Variants in HCN1 observed in about 807,000 individuals in gnomAD.
HCN1 encodes the protein hyperpolarization activated cyclic nucleotide gated potassium channel 1.
Under a neutral mutation model 78.9 loss-of-function variants are expected in HCN1, and 13 were observed. The observed-to-expected ratio is 0.16, with a 90% CI of 0.11 to 0.26. The LOEUF is 0.26. Among genes scored for constraint, HCN1 ranks in the 10% least tolerant of loss-of-function variants. The probability of loss-of-function intolerance (pLI) is 1.00; values close to 1 mark genes in which losing one functional copy is unlikely to be tolerated. For synonymous variants in HCN1, 552 were observed against 455.5 expected (o/e 1.21, Z -2.70); for missense variants, 810 against 1,154.3 (o/e 0.70, Z 4.32).
chr5:45,346,458 C>T (rs1313621660), intron 5 of HCN1, among the ~76,000 whole-genome samples: 2 of 152,292 alleles, frequency 1.3e-5, no homozygotes, highest in East Asian at 3.9e-4. Flanking sequence ...GTGATTTCTG[C>T]ATTTCCATCT....
intron 2 of HCN1, among the ~76,000 whole-genome samples, chr5:45,499,343 C>G (rs567946983): frequency 6.6e-6 from 1 of 152,224 alleles, no homozygotes; most frequent in South Asian, 2.1e-4. Context: ...TGGGAGTGAC[C>G]CGATTTTCCA....
chr5:45,683,136 A>AT (rs869265634), intron 1 of HCN1, among the ~76,000 whole-genome samples: 105 of 80,056 alleles, frequency 1.3e-3, no homozygotes, highest in South Asian at 9.0e-3. Context: ...TAATTTTTTT[A>AT]TTTTTTTTTA....
chr5:45,570,241 C>G (rs908025289), intron 2 of HCN1, among the ~76,000 whole-genome samples: 1 of 151,982 alleles, frequency 6.6e-6, no homozygotes, highest in Non-Finnish European at 1.5e-5. Flanking sequence ...TCCCCTACTT[C>G]TAAGGTATTT....
Position 45,439,655 on chromosome 5 carries a change from C to T in HCN1, c.1011+22191G>A, listed in dbSNP as rs74776373. Among the ~76,000 whole-genome samples the T allele has an allele frequency of 3.9e-3, 598 of 152,060 alleles. 5 individuals are homozygous for T. Among genetic ancestry groups the T allele is most frequent in the African/African-American group, 0.014 (580 of 41,502 alleles). Reference sequence around the variant, plus strand: ...ATGATGTAAGTAGAGTGATACAGTGCAAATGGTTCAGAGACACTGAAGATT... The same window carrying T: ...ATGATGTAAGTAGAGTGATACAGTGTAAATGGTTCAGAGACACTGAAGATT... On this transcript the variant is annotated intron_variant, in intron 3 of 7. Coordinates refer to ENST00000303230, the MANE Select transcript of HCN1 (RefSeq NM_021072.4).
intron 2 of HCN1, among the ~76,000 whole-genome samples, chr5:45,570,765 T>C (rs904969961): frequency 3.3e-5 from 5 of 152,106 alleles, no homozygotes; most frequent in Admixed American, 3.3e-4. Context: ...GATAAGTAGA[T>C]AAATAGAGTA....
chr5:45,511,679 G>GA (rs1742419702), intron 2 of HCN1, among the ~76,000 whole-genome samples: 1 of 152,000 alleles, frequency 6.6e-6, no homozygotes, highest in South Asian at 2.1e-4. Flanking sequence ...GAAAGTCAGA[G>GA]AAAATGTTAG....
rs766207863 is a variant in HCN1 at position 45,696,067 on chromosome 5, A to C, written c.27T>G (p.Ser9=). MEGGGKPN[S]SSNSRDDGNS... ...TGCCATCGTCCCGGCTGTTAGACGAAGAGTTGGGCTTGCCGCCTCCTTCCA... is the reference window on the plus strand; with the variant it reads ...TGCCATCGTCCCGGCTGTTAGACGACGAGTTGGGCTTGCCGCCTCCTTCCA... Residue 9 remains serine, a synonymous_variant, in exon 1 of 8, where the codon TCT becomes TCG. Transcript: ENST00000303230. 33 of 1,353,136 alleles carry C rather than the reference A, an allele frequency of 2.4e-5. No homozygotes were observed. The South Asian group carries it at 4.7e-4, about 19-fold the overall frequency. 83.8% of individuals were successfully genotyped at this position (1,353,136 alleles called of 1,614,324 possible).
At chr5:45,678,751 T>C (rs1038182186) in intron 1 of HCN1, among the ~76,000 whole-genome samples, 1 of 152,050 alleles carries the variant, frequency 6.6e-6, no homozygotes, top group Admixed American at 6.6e-5. Flanking sequence ...TAAACTTAAG[T>C]ACAGTCTAAA....
At chr5:45,376,138 ATATAT>A (rs1231089415) in intron 4 of HCN1, among the ~76,000 whole-genome samples, 1 of 109,152 alleles carries the variant, frequency 9.2e-6, no homozygotes, top group East Asian at 2.7e-4. Context: ...ATAAAATATA[ATATAT>A]TATATATAAT....
At chr5:45,490,904 A>G (rs1445147631) in intron 2 of HCN1, among the ~76,000 whole-genome samples, 1 of 151,920 alleles carries the variant, frequency 6.6e-6, no homozygotes, top group African/African-American at 2.4e-5. Flanking sequence ...CATTTTATCC[A>G]CTTCTTCCTC....
At chr5:45,421,569 A>C (rs866120843) in intron 3 of HCN1, among the ~76,000 whole-genome samples, 1 of 152,184 alleles carries the variant, frequency 6.6e-6, no homozygotes, top group African/African-American at 2.4e-5. Flanking sequence ...ACAAAAAAAA[A>C]CCAAGAAACA....
At chr5:45,443,004 A>G (rs953665439) in intron 3 of HCN1, among the ~76,000 whole-genome samples, 13 of 152,134 alleles carry the variant, frequency 8.5e-5, no homozygotes, top group Non-Finnish European at 1.2e-4. Flanking sequence ...TATATATTAA[A>G]TAGCATTTTT....
chr5:45,458,032 A>G (rs1301302507), intron 3 of HCN1, among the ~76,000 whole-genome samples: 3 of 152,124 alleles, frequency 2.0e-5, no homozygotes, highest in African/African-American at 7.2e-5. Flanking sequence ...AACTTTAATG[A>G]GGAATTTAGA....
At chr5:45,374,441 C>G (rs961828652) in intron 4 of HCN1, among the ~76,000 whole-genome samples, 3 of 148,296 alleles carry the variant, frequency 2.0e-5, no homozygotes, top group African/African-American at 7.4e-5. Context: ...CCTCCCAAGA[C>G]TGAATCAAGA....
intron 5 of HCN1, among the ~76,000 whole-genome samples, chr5:45,312,831 C>T (rs967383817): frequency 6.6e-6 from 1 of 152,152 alleles, no homozygotes; most frequent in African/African-American, 2.4e-5. Flanking sequence ...GGGCGCCCAC[C>T]ATTGCTGAGG....
intron 2 of HCN1, among the ~76,000 whole-genome samples, chr5:45,492,381 T>G (rs1421649807): frequency 9.6e-6 from 1 of 104,478 alleles, no homozygotes; most frequent in East Asian, 2.8e-4. Context: ...GATCTTAGAC[T>G]TCTTTAAATG....
chr5:45,392,867 A>G (rs977396659), intron 4 of HCN1, among the ~76,000 whole-genome samples: 1 of 152,116 alleles, frequency 6.6e-6, no homozygotes, highest in Admixed American at 6.6e-5. Flanking sequence ...GGAGAAGTTT[A>G]GCGTTTTTAT....
At chr5:45,377,787 G>A (rs1178564064) in intron 4 of HCN1, among the ~76,000 whole-genome samples, 1 of 151,904 alleles carries the variant, frequency 6.6e-6, no homozygotes, top group Non-Finnish European at 1.5e-5. Flanking sequence ...TAACAAATTG[G>A]GTTGTAGCTC....
chr5:45,581,897 A>G (rs1744085277), intron 2 of HCN1, among the ~76,000 whole-genome samples: 1 of 152,190 alleles, frequency 6.6e-6, no homozygotes, highest in South Asian at 2.1e-4. Flanking sequence ...CTTTGGTACC[A>G]GCACCATGCT....
Sources: gnomAD v4.1 joint callset for allele counts (sites outside exome capture counted in the v4.1 genomes callset) on GRCh38, gnomAD v4.1.1 for gene constraint, MANE v1.5 for transcripts, NCBI Gene and HGNC (gene_info 2026-07-23, HGNC 2026-07-21) for gene names.